The following CTNNA3 variants were observed in gnomAD, a reference collection of about 807,000 sequenced individuals.
CTNNA3 encodes catenin alpha 3.
CTNNA3 carries 76 observed loss-of-function variants against 95.7 expected under a neutral mutation model. The observed-to-expected ratio is 0.79, with a 90% CI of 0.66 to 0.96. The LOEUF is 0.96. CTNNA3 is among the 40% of genes least tolerant of loss of function. The pLI, the probability that CTNNA3 is intolerant of heterozygous loss-of-function variation, is 0.00. For missense variants in CTNNA3, 1,191 were observed against 1,089.8 expected (o/e 1.09, Z -1.31); for synonymous variants, 431 against 374.4 (o/e 1.15, Z -1.74).
chr10:66,583,299 T>TTTGTTGTTGTTGTTG, intron 10 of CTNNA3, among the ~76,000 whole-genome samples: 1 of 150,454 alleles, frequency 6.6e-6, no homozygotes, highest in East Asian at 2.0e-4. Context: ...TGTTTTGGTT[T>TTTGTTGTTGTTGTTG]TTGTTGTTGT....
At chr10:67,573,422 T>C (rs974292909) in intron 3 of CTNNA3, among the ~76,000 whole-genome samples, 1 of 152,148 alleles carries the variant, frequency 6.6e-6, no homozygotes, top group African/African-American at 2.4e-5. Context: ...CAACATTCCA[T>C]AGCTTATGTT....
intron 1 of CTNNA3, among the ~76,000 whole-genome samples, chr10:67,677,815 G>A (rs560709810): frequency 2.6e-5 from 4 of 152,190 alleles, no homozygotes; most frequent in African/African-American, 9.6e-5. Flanking sequence ...CAGACAGAAG[G>A]GTGCTCTGGA....
At chr10:66,664,701 G>A (rs1289194404) in intron 9 of CTNNA3, among the ~76,000 whole-genome samples, 1 of 123,076 alleles carries the variant, frequency 8.1e-6, no homozygotes, top group Non-Finnish European at 1.7e-5. Flanking sequence ...CAGCCCAGAA[G>A]CTGATGTTGC....
chr10:66,196,351 G>A (rs1020165885), intron 13 of CTNNA3, among the ~76,000 whole-genome samples: 1 of 152,148 alleles, frequency 6.6e-6, no homozygotes, highest in East Asian at 1.9e-4. Context: ...AGCAAGCACA[G>A]GGAAAGGAAA....
At chr10:66,624,905 G>A (rs1167274555) in intron 9 of CTNNA3, among the ~76,000 whole-genome samples, 1 of 152,084 alleles carries the variant, frequency 6.6e-6, no homozygotes, top group African/African-American at 2.4e-5. Context: ...TGATTGACCA[G>A]ACTTTTTATT....
At chr10:66,098,916 G>T (rs2081505575) in intron 14 of CTNNA3, 1 of 152,040 alleles carries the variant, frequency 6.6e-6, no homozygotes, top group African/African-American at 2.4e-5. Flanking sequence ...TTAATATTTT[G>T]TTCTCATTGA....
intron 13 of CTNNA3, among the ~76,000 whole-genome samples, chr10:66,200,601 A>T (rs1458291527): frequency 1.3e-5 from 2 of 152,212 alleles, no homozygotes; most frequent in Admixed American, 6.5e-5. Flanking sequence ...TTCTCTTCAG[A>T]ATTGCACTGC....
chr10:67,034,980 G>C (rs1445318843), intron 7 of CTNNA3, among the ~76,000 whole-genome samples: 1 of 152,116 alleles, frequency 6.6e-6, no homozygotes, highest in African/African-American at 2.4e-5. Flanking sequence ...AGGAACTCTT[G>C]GAAGGCCCCG....
At chr10:66,319,726 C>T (rs1175489235) in intron 12 of CTNNA3, among the ~76,000 whole-genome samples, 1 of 152,092 alleles carries the variant, frequency 6.6e-6, no homozygotes, top group Non-Finnish European at 1.5e-5. Context: ...TTTGGAATGT[C>T]TGTTACTAGC....
At chr10:66,713,834 A>T (rs1848369996) in intron 9 of CTNNA3, among the ~76,000 whole-genome samples, 1 of 152,124 alleles carries the variant, frequency 6.6e-6, no homozygotes. Flanking sequence ...TACATATTTC[A>T]ACATATGGAA....
chr10:65,989,243 G>A (rs1327905795), intron 15 of CTNNA3, among the ~76,000 whole-genome samples: 11 of 152,062 alleles, frequency 7.2e-5, no homozygotes. Context: ...CCTGCCAGCT[G>A]TTGGTTTTAA....
chr10:67,143,379 G>A (rs555298472), intron 7 of CTNNA3, among the ~76,000 whole-genome samples: 17 of 135,388 alleles, frequency 1.3e-4, no homozygotes, highest in Non-Finnish European at 2.6e-4. Context: ...CCGAAATCAC[G>A]CCACTCACTA....
At chr10:66,413,829 A>T (rs1195741080) in intron 11 of CTNNA3, among the ~76,000 whole-genome samples, 1 of 152,206 alleles carries the variant, frequency 6.6e-6, no homozygotes, top group African/African-American at 2.4e-5. Context: ...TGAGAGATTT[A>T]TGTCTGATCA....
At chr10:65,974,692 C>CA (rs941985618) in intron 16 of CTNNA3, among the ~76,000 whole-genome samples, 2 of 151,988 alleles carry the variant, frequency 1.3e-5, no homozygotes, top group African/African-American at 4.8e-5. Context: ...ACCTCAGTAT[C>CA]ATGCAATATA....
intron 3 of CTNNA3, among the ~76,000 whole-genome samples, chr10:67,585,498 A>T (rs1298073525): frequency 6.6e-6 from 1 of 152,062 alleles, no homozygotes; most frequent in African/African-American, 2.4e-5. Flanking sequence ...TTTATTACTA[A>T]TTCAATATTG....
intron 7 of CTNNA3, among the ~76,000 whole-genome samples, chr10:66,959,143 C>A (rs756068549): frequency 1.3e-5 from 2 of 152,174 alleles, no homozygotes. Context: ...CTCAGACTCA[C>A]GGCAAAAGCT....
intron 7 of CTNNA3, among the ~76,000 whole-genome samples, chr10:67,149,199 T>A (rs1860974930): frequency 6.6e-6 from 1 of 152,108 alleles, no homozygotes; most frequent in Non-Finnish European, 1.5e-5. Flanking sequence ...ACATCACTCA[T>A]CTACTACTAC....
chr10:66,053,877 T>C (rs188226260), intron 15 of CTNNA3, among the ~76,000 whole-genome samples: 47 of 152,258 alleles, frequency 3.1e-4, no homozygotes, highest in Admixed American at 2.0e-3. Context: ...TACCCAACTA[T>C]ATGTTTGTAC....
At chr10:67,270,307 T>G (rs1344572890) in intron 5 of CTNNA3, among the ~76,000 whole-genome samples, 1 of 152,110 alleles carries the variant, frequency 6.6e-6, no homozygotes, top group Non-Finnish European at 1.5e-5. Context: ...TTAAAAGCAC[T>G]TTTTAAAAGG....
Sources: gnomAD v4.1 joint callset for allele counts (sites outside exome capture counted in the v4.1 genomes callset) on GRCh38, gnomAD v4.1.1 for gene constraint, MANE v1.5 for transcripts, NCBI Gene and HGNC (gene_info 2026-07-23, HGNC 2026-07-21) for gene names.